The following REL variants were observed in gnomAD, a reference collection of about 807,000 sequenced individuals.
The protein encoded by REL is proto-oncogene c-Rel.
A neutral mutation model predicts 45.9 loss-of-function variants in REL; 15 were observed. The observed-to-expected ratio is 0.33, with a 90% CI of 0.22 to 0.50. REL has a LOEUF of 0.50. Ranked by LOEUF, REL falls within the 20% of genes least tolerant of loss-of-function variation. The probability of loss-of-function intolerance (pLI) is 0.98; values close to 1 mark genes in which losing one functional copy is unlikely to be tolerated. For synonymous variants in REL, 239 were observed against 242.1 expected (o/e 0.99, Z 0.12); for missense variants, 601 against 715.2 (o/e 0.84, Z 1.82).
At chr2:60,885,669 T>C (rs557417292) in intron 1 of REL, among the ~76,000 whole-genome samples, 3 of 152,224 alleles carry the variant, frequency 2.0e-5, no homozygotes, top group Non-Finnish European at 4.4e-5. Flanking sequence ...ATAGATCTTA[T>C]TTTCTTTTTC....
rs866602809 is a variant in REL at position 60,924,295 on chromosome 2, T to C, written c.*1760T>C. On this transcript the variant is annotated 3_prime_UTR_variant, in exon 10 of 10. Transcript: ENST00000394479. ...TTTTCCCATACCGAAATATAAACTT[T>C]CTAAGGACAGAAATTTTTGTGCTTT... The C allele has an allele frequency of 4.5e-6, 1 of 222,982 alleles. No homozygotes were observed. The allele number at this position is 222,982 out of a possible 1,614,324, so 13.8% of individuals were successfully genotyped here.
intron 1 of REL, among the ~76,000 whole-genome samples, chr2:60,889,263 A>G (rs1335434458): frequency 6.6e-6 from 1 of 151,988 alleles, no homozygotes; most frequent in Admixed American, 6.6e-5. Context: ...TTCCACTGAC[A>G]CAGTTGGGCA....
rs747853734 is a variant in REL at position 60,921,789 on chromosome 2, G to A, written c.1018G>A (p.Val340Ile). 2.7e-5 allele frequency: 43 copies of A among 1,612,808 alleles called. 1 individual carries two copies. The Admixed American group carries it at 6.7e-4, about 25-fold the overall frequency. The change falls in exon 10 of 10, where the codon GTT becomes ATT. Residue 340 changes from valine (V) to isoleucine (I), a missense_variant. Physicochemically the swap from Val to Ile is conservative, Grantham distance 29. Coordinates refer to ENST00000394479, the MANE Select transcript of REL (RefSeq NM_001291746.2). ...KEPNLFSHDAVVREMPTGVSS... is the reference protein window; with the variant it reads ...KEPNLFSHDAIVREMPTGVSS... ...ACCAAACTTGTTTTCTCATGATGCA[G>A]TTGTGAGAGAAATGCCTACAGGGGT...
At chr2:60,918,151 A>C in intron 5 of REL, 40 bp from the exon 6 acceptor site, 5 of 1,161,948 alleles carry the variant, frequency 4.3e-6, no homozygotes, top group Non-Finnish European at 6.3e-6. Flanking sequence ...AAATATTACT[A>C]AGGTAGCAAC....
chr2:60,922,054 C>T lies in REL; in HGVS notation c.1283C>T (p.Ala428Val), dbSNP rs774725038. 86 of 1,613,908 alleles carry T rather than the reference C, an allele frequency of 5.3e-5. No homozygotes were observed. Among genetic ancestry groups the T allele is most frequent in the Non-Finnish European group, 6.9e-5 (81 of 1,179,874 alleles). Residue 428 changes from alanine (A) to valine (V), a missense_variant, in exon 10 of 10, where the codon GCT becomes GTT. By Grantham distance (64) the Ala-to-Val change is moderately conservative. Around this residue, in one of 4 missense-constraint regions of REL, gnomAD observed 334 missense variants for 333.1 expected, o/e 1.00. Transcript: ENST00000394479. ...GGGAATGATTTAAATGCTTCTAATGCTTGCATTTACAACAATGCCGATGAC... is the reference window on the plus strand; with the variant it reads ...GGGAATGATTTAAATGCTTCTAATGTTTGCATTTACAACAATGCCGATGAC... ...PVGNDLNASN[A>V]CIYNNADDIV...
chr2:60,916,473 T>C (rs528293502), intron 4 of REL, among the ~76,000 whole-genome samples: 3 of 152,340 alleles, frequency 2.0e-5, no homozygotes, highest in South Asian at 4.1e-4. Context: ...GTAATTCTTG[T>C]ACAGATTTAG....
Position 60,887,386 on chromosome 2 carries a change from G to A in REL, c.11-4297G>A, listed in dbSNP as rs577733217. 1.2e-4 allele frequency among the ~76,000 whole-genome samples: 18 copies of A among 151,886 alleles called. No homozygotes were observed. In the Middle Eastern group the frequency reaches 0.01, roughly 86 times the overall value. On this transcript the variant is annotated intron_variant, in intron 1 of 9. Transcript: ENST00000394479. ...CTAATCACTTATATGATTATTTAAC[G>A]TTTGAATAACTTGTATAAACAAAAG...
At chr2:60,921,093 T>C (rs888334883) in intron 9 of REL, among the ~76,000 whole-genome samples, 2 of 152,116 alleles carry the variant, frequency 1.3e-5, no homozygotes, top group Non-Finnish European at 2.9e-5. Context: ...ATCTGACTTT[T>C]TACAGAAAAA....
chr2:60,906,914 T>TATATA lies in REL; in HGVS notation c.394+5831_394+5832insATATA, dbSNP rs386355018. 5.2e-3 allele frequency among the ~76,000 whole-genome samples: 446 copies of TATATA among 86,144 alleles called. 3 individuals carry two copies. The highest frequency in any genetic ancestry group is 0.018 in the African/African-American group (375 of 20,634). The allele number at this position is 86,144 out of a possible 152,430, so 56.5% of individuals were successfully genotyped here. The stretch of plus-strand genomic sequence containing the variant: ...GTGTGTATATATATATATATATATA[T>TATATA]TTTTTTTTTTTTTTTCTTTTCCGAG... On this transcript the variant is annotated intron_variant, in intron 4 of 9. Coordinates refer to ENST00000394479, the MANE Select transcript of REL (RefSeq NM_001291746.2).
At chr2:60,917,680 C>CTGTGTGTGTGTGTGTGTG (rs34038794) in intron 5 of REL, among the ~76,000 whole-genome samples, 1 of 142,252 alleles carries the variant, frequency 7.0e-6, no homozygotes, top group Non-Finnish European at 1.5e-5. Flanking sequence ...CCCCAAAATA[C>CTGTGTGTGTGTGTGTGTG]TGTGTGTGTG....
intron 1 of REL, among the ~76,000 whole-genome samples, chr2:60,889,018 C>G (rs1223430928): frequency 6.6e-6 from 1 of 152,192 alleles, no homozygotes; most frequent in Non-Finnish European, 1.5e-5. Context: ...CAAATCTGAT[C>G]ATGTGATTTG....
intron 4 of REL, 120 bp downstream of exon 4, chr2:60,901,203 T>C: frequency 8.2e-7 from 1 of 1,217,846 alleles, no homozygotes; most frequent in Non-Finnish European, 1.1e-6. Context: ...GTCGCCAGGC[T>C]GGAGTGCAAT....
At chr2:60,920,500 C>T (rs1317353546) in intron 8 of REL, 74 bp from the exon 9 acceptor site, 1 of 1,198,710 alleles carries the variant, frequency 8.3e-7, no homozygotes, top group Non-Finnish European at 1.2e-6. Flanking sequence ...CACGCCCGGC[C>T]AGTTTTTCAG....
At chr2:60,912,485 G>C (rs180979780) in intron 4 of REL, among the ~76,000 whole-genome samples, 1 of 152,178 alleles carries the variant, frequency 6.6e-6, no homozygotes, top group East Asian at 1.9e-4. Flanking sequence ...CAATTTCCAA[G>C]AACCTATAGA....
intron 1 of REL, among the ~76,000 whole-genome samples, chr2:60,888,090 G>A (rs964578393): frequency 2.6e-5 from 4 of 151,814 alleles, no homozygotes; most frequent in Admixed American, 2.6e-4. Context: ...ACCACATCCC[G>A]CTAATTTTTT....
chr2:60,895,329 G>C (rs933315173), intron 3 of REL, among the ~76,000 whole-genome samples: 3 of 152,024 alleles, frequency 2.0e-5, no homozygotes, highest in Non-Finnish European at 4.4e-5. Context: ...CTGCAGGCAT[G>C]TACCACCATG....
intron 1 of REL, among the ~76,000 whole-genome samples, chr2:60,882,674 CTATT>C (rs1173856106): frequency 6.7e-6 from 1 of 149,594 alleles, no homozygotes; most frequent in Non-Finnish European, 1.5e-5. Flanking sequence ...GACCCTGTCT[CTATT>C]TAAAAAAAAA....
chr2:60,898,017 C>G (rs1673397591), intron 3 of REL, among the ~76,000 whole-genome samples: 1 of 152,128 alleles, frequency 6.6e-6, no homozygotes, highest in African/African-American at 2.4e-5. Flanking sequence ...TCTGACATTC[C>G]TCATCCAGGT....
At chr2:60,891,949 T>A in intron 2 of REL, 124 bp downstream of exon 2, 12 of 442,002 alleles carry the variant, frequency 2.7e-5, no homozygotes, top group Non-Finnish European at 3.8e-5. Flanking sequence ...TCTTTTTTCC[T>A]TTTTTTTTTT....
Sources: gnomAD v4.1 joint callset for allele counts (sites outside exome capture counted in the v4.1 genomes callset) on GRCh38, gnomAD v4.1.1 for gene constraint, gnomAD v4.1.1 regional missense constraint, MANE v1.5 for transcripts, NCBI Gene and HGNC (gene_info 2026-07-23, HGNC 2026-07-21) for gene names.